FGD5: variants seen among roughly 807,000 people sequenced by gnomAD.
FGD5 encodes the protein FYVE, RhoGEF and PH domain containing 5.
A neutral mutation model predicts 133.4 loss-of-function variants in FGD5; 28 were observed. The observed-to-expected ratio is 0.21, with a 90% CI of 0.16 to 0.29. The LOEUF is 0.29. Ranked by LOEUF, FGD5 falls within the 10% of genes least tolerant of loss-of-function variation. The probability of loss-of-function intolerance (pLI) is 1.00; values close to 1 mark genes in which losing one functional copy is unlikely to be tolerated. For synonymous variants in FGD5, 810 were observed against 776.5 expected (o/e 1.04, Z -0.72); for missense variants, 1,858 against 1,895.2 (o/e 0.98, Z 0.36).
At chr3:14,825,915 C>T (rs1182770229) in intron 1 of FGD5, among the ~76,000 whole-genome samples, 2 of 152,110 alleles carry the variant, frequency 1.3e-5, no homozygotes, top group Admixed American at 6.5e-5. Flanking sequence ...TTGAGCTTCA[C>T]AAGGGGAAAG....
At chr3:14,905,772 A>T (rs761056525) in intron 9 of FGD5, among the ~76,000 whole-genome samples, 2 of 151,944 alleles carry the variant, frequency 1.3e-5, no homozygotes, top group Non-Finnish European at 2.9e-5. Context: ...CTGTGGTTTG[A>T]TGGAATGCTT....
intron 1 of FGD5, among the ~76,000 whole-genome samples, chr3:14,863,305 G>A (rs2037435668): frequency 6.6e-6 from 1 of 152,230 alleles, no homozygotes; most frequent in African/African-American, 2.4e-5. Context: ...ACAGTCTTTT[G>A]TGGAATAATC....
At chr3:14,865,320 C>T (rs1488195274) in intron 2 of FGD5, among the ~76,000 whole-genome samples, 5 of 152,238 alleles carry the variant, frequency 3.3e-5, no homozygotes. Context: ...ATGCACTCAG[C>T]ACAGGTGCCT....
intron 9 of FGD5, among the ~76,000 whole-genome samples, chr3:14,902,691 A>G (rs994045977): frequency 3.9e-5 from 6 of 152,146 alleles, no homozygotes; most frequent in Non-Finnish European, 7.3e-5. Context: ...TCTTGTACAT[A>G]CAGTGAGAGT....
At chr3:14,826,730 C>G (rs973969796) in intron 1 of FGD5, among the ~76,000 whole-genome samples, 1 of 152,178 alleles carries the variant, frequency 6.6e-6, no homozygotes, top group African/African-American at 2.4e-5. Context: ...GGGAGAATCT[C>G]GTTCCTCTTG....
In FGD5 at chr3:14,923,042, G is replaced by A; in HGVS notation, c.3808-4G>A. The A allele has an allele frequency of 6.2e-7, 1 of 1,613,882 alleles. No homozygotes were observed. The highest frequency in any genetic ancestry group is 8.5e-7 in the Non-Finnish European group (1 of 1,179,838). On this transcript the variant is annotated splice_region_variant and splice_polypyrimidine_tract_variant and intron_variant, in intron 15 of 19. Coordinates refer to ENST00000285046, the MANE Select transcript of FGD5 (RefSeq NM_152536.4). ...GGTGAGAATCTTCCCACCTGGGCCT[G>A]CAGATCGTGTGCCGGAACTGTTCGC...
chr3:14,909,578 G>A (rs1456264194), intron 10 of FGD5, among the ~76,000 whole-genome samples: 5 of 152,020 alleles, frequency 3.3e-5, no homozygotes, highest in Non-Finnish European at 5.9e-5. Flanking sequence ...AACTGTGATG[G>A]GTCACCACAG....
chr3:14,922,682 C>A lies in FGD5; in HGVS notation c.3807+134C>A. On this transcript the variant is annotated intron_variant, in intron 15 of 19. Coordinates refer to ENST00000285046, the MANE Select transcript of FGD5 (RefSeq NM_152536.4). This position sits in a 1 kb window ranked among gnomAD's most constrained non-coding sequence, Gnocchi z 4.1. Reference sequence around the variant, plus strand: ...AGAGTGAGGCATGTTCACACCAACCCGAGAGGAACAGATTGCTAATTCCCA... The same window carrying A: ...AGAGTGAGGCATGTTCACACCAACCAGAGAGGAACAGATTGCTAATTCCCA... 1 of 1,240,512 alleles carries A rather than the reference C, an allele frequency of 8.1e-7. No homozygotes were observed. Among genetic ancestry groups the A allele is most frequent in the Non-Finnish European group, 1.1e-6 (1 of 907,966 alleles). The allele number at this position is 1,240,512 out of a possible 1,614,324, so 76.8% of individuals were successfully genotyped here.
chr3:14,916,783 A>C (rs1205277124), intron 11 of FGD5, among the ~76,000 whole-genome samples: 1 of 152,294 alleles, frequency 6.6e-6, no homozygotes, highest in African/African-American at 2.4e-5. Context: ...CCTATTCTGG[A>C]GTGTCACAGA....
chr3:14,900,912 C>T, intron 8 of FGD5, 91 bp from the exon 9 acceptor site: 2 of 1,464,252 alleles, frequency 1.4e-6, no homozygotes, highest in South Asian at 2.3e-5. Context: ...AGTGGCCAAG[C>T]TGGGCTTGAG....
Position 14,821,650 on chromosome 3 carries a change from C to T in FGD5, c.2525+54C>T, listed in dbSNP as rs1575187408. The T allele has an allele frequency of 4.1e-6, 6 of 1,475,242 alleles. 1 individual carries two copies. In the Middle Eastern group the frequency reaches 7.2e-4, roughly 178 times the overall value. 91.4% of individuals were successfully genotyped at this position (1,475,242 alleles called of 1,614,324 possible). The stretch of plus-strand genomic sequence containing the variant: ...TCGGCAGCTGTAACTGTCCAGGAGG[C>T]AGCGTGGGTGTGGGGGACAGATGGA... On this transcript the variant is annotated intron_variant, in intron 1 of 19. Transcript: ENST00000285046.
intron 9 of FGD5, among the ~76,000 whole-genome samples, chr3:14,906,936 C>T (rs1245181395): frequency 6.6e-6 from 1 of 152,198 alleles, no homozygotes; most frequent in Non-Finnish European, 1.5e-5. Context: ...GTACTTCCTA[C>T]ATCTTAAATG....
intron 4 of FGD5, 113 bp downstream of exon 4, chr3:14,880,885 C>A: frequency 7.3e-7 from 1 of 1,377,044 alleles, no homozygotes; most frequent in Non-Finnish European, 1.0e-6. Context: ...AGAGGCCTGG[C>A]AGCAGGCAGG....
At chr3:14,933,030 C>G (rs1467019847) in intron 19 of FGD5, 101 bp from the exon 20 acceptor site, 3 of 1,373,776 alleles carry the variant, frequency 2.2e-6, no homozygotes. Context: ...TCCTTGACTT[C>G]AAACTAAGAG....
Position 14,908,944 on chromosome 3 carries a change from T to TCA in FGD5, c.3336+1233_3336+1234insCA, listed in dbSNP as rs1164828727. On this transcript the variant is annotated intron_variant, in intron 10 of 19. Transcript: ENST00000285046. ...GGAATTTATTTATTTATTTATTTAT[T>TCA]TATTTATTCATTCATTCATTCATTC... Among the ~76,000 whole-genome samples the TCA allele has an allele frequency of 1.6e-3, 235 of 151,112 alleles. 1 individual carries two copies. The highest frequency in any genetic ancestry group is 0.011 in the South Asian group (53 of 4,704).
At chr3:14,871,286 C>T (rs2037601505) in intron 2 of FGD5, among the ~76,000 whole-genome samples, 1 of 152,178 alleles carries the variant, frequency 6.6e-6, no homozygotes, top group Non-Finnish European at 1.5e-5. Flanking sequence ...GTCCTTGCTG[C>T]CTAGTACATT....
chr3:14,867,015 A>G (rs1262546405), intron 2 of FGD5, among the ~76,000 whole-genome samples: 3 of 152,230 alleles, frequency 2.0e-5, no homozygotes, highest in African/African-American at 7.2e-5. Flanking sequence ...AGGGTTGGAC[A>G]TCCGTGCCCT....
chr3:14,818,916 A>T, upstream of FGD5: 1 of 1,429,046 alleles, frequency 7.0e-7, no homozygotes, highest in African/African-American at 1.4e-5. Context: ...CAATAAAGTT[A>T]ATTGTACTTT....
chr3:14,824,198 A>G (rs1444662848), intron 1 of FGD5, among the ~76,000 whole-genome samples: 1 of 152,242 alleles, frequency 6.6e-6, no homozygotes, highest in African/African-American at 2.4e-5. Context: ...AAACAGATGA[A>G]AGCAAAGGGG....
Sources: gnomAD v4.1 joint callset for allele counts (sites outside exome capture counted in the v4.1 genomes callset) on GRCh38, gnomAD v4.1.1 for gene constraint, Gnocchi (gnomAD v3.1) non-coding constraint, MANE v1.5 for transcripts, NCBI Gene and HGNC (gene_info 2026-07-23, HGNC 2026-07-21) for gene names.